The following PTCH1 variants were observed in gnomAD, a reference collection of about 807,000 sequenced individuals.
PTCH1 encodes the protein protein patched homolog 1.
PTCH1 carries 14 observed loss-of-function variants against 144.6 expected under a neutral mutation model. The observed-to-expected ratio is 0.10, with a 90% CI of 0.06 to 0.15. The LOEUF is 0.15. PTCH1 is among the 10% of genes least tolerant of loss of function. PTCH1 has a pLI of 1.00. For synonymous variants in PTCH1, 833 were observed against 793.6 expected, an observed-to-expected ratio of 1.05 and a Z score of -0.83; for missense variants, 1,623 against 1,948.3, an observed-to-expected ratio of 0.83 and a Z score of 3.14.
At chr9:95,506,720 C>T in intron 1 of PTCH1, 121 bp from the exon 2 acceptor site, 1 of 1,116,822 alleles carries the variant, frequency 9.0e-7, no homozygotes, top group Non-Finnish European at 1.2e-6. Flanking sequence ...GTGGCCGCGG[C>T]ACACGGACTC....
chr9:95,469,358 T>C (rs1017853741), intron 13 of PTCH1, among the ~76,000 whole-genome samples: 1 of 152,124 alleles, frequency 6.6e-6, no homozygotes, highest in Non-Finnish European at 1.5e-5. Context: ...TAAAAGTCAG[T>C]CTGAGGAGGC....
At chr9:95,514,403 G>A (rs1255535214) in intron 1 of PTCH1, 1 of 152,130 alleles carries the variant, frequency 6.6e-6, no homozygotes, top group Non-Finnish European at 1.5e-5. Context: ...CTCTGCTATT[G>A]GGTCCTGCAT....
intron 2 of PTCH1, among the ~76,000 whole-genome samples, chr9:95,496,487 C>G (rs1338793202): frequency 7.5e-6 from 1 of 132,964 alleles, no homozygotes; most frequent in East Asian, 2.2e-4. Context: ...GTGTGGGAAA[C>G]AAAAAGGGAG....
At chr9:95,486,319 C>T (rs1841962405) in intron 2 of PTCH1, among the ~76,000 whole-genome samples, 1 of 152,238 alleles carries the variant, frequency 6.6e-6, no homozygotes, top group South Asian at 2.1e-4. Flanking sequence ...GGAAATGTTT[C>T]TCCTCTGTGG....
chr9:95,473,211 A>G, intron 12 of PTCH1, among the ~76,000 whole-genome samples: 1 of 152,250 alleles, frequency 6.6e-6, no homozygotes. Context: ...GGTTTAAGAC[A>G]GTTTCCTTGT....
intron 15 of PTCH1, among the ~76,000 whole-genome samples, chr9:95,462,657 C>T (rs976120506): frequency 1.4e-4 from 21 of 152,176 alleles, no homozygotes; most frequent in African/African-American, 5.1e-4. Flanking sequence ...GGAAGGCGCT[C>T]GTGTGCACGC....
chr9:95,504,959 CCTT>C (rs1279958204), intron 2 of PTCH1, among the ~76,000 whole-genome samples: 3 of 152,116 alleles, frequency 2.0e-5, no homozygotes, highest in East Asian at 3.8e-4. Flanking sequence ...TCGATAAAAC[CCTT>C]CTTTTATCTA....
At chr9:95,469,641 G>A (rs754346530) in intron 13 of PTCH1, among the ~76,000 whole-genome samples, 172 bp downstream of exon 13, 2 of 152,014 alleles carry the variant, frequency 1.3e-5, no homozygotes, top group African/African-American at 2.4e-5. Context: ...GGAAGCCCAG[G>A]GACTCTGATG....
chr9:95,469,978 A>G (rs750041813), intron 12 of PTCH1, 47 bp from the exon 13 acceptor site: 3 of 1,335,628 alleles, frequency 2.2e-6, no homozygotes, highest in Non-Finnish European at 3.2e-6. Context: ...GCCTCCGCCC[A>G]ATCAGAGGAC....
rs1386764675 is a variant in PTCH1, at chr9:95,449,012, C to G, written c.3804+57G>C. ...GCAGACAGGAGCCCCCGCTGGACCT[C>G]CAGGCCCACTACCACGGTGGGAAGA... is the stretch of plus-strand genomic sequence containing the variant. On this transcript the variant is annotated intron_variant, in intron 22 of 23. Transcript: ENST00000331920. This position sits in a 1 kb window ranked among gnomAD's most constrained non-coding sequence, Gnocchi z 5.3. The G allele has an allele frequency of 6.2e-7, 1 of 1,609,468 alleles. No homozygotes were observed. Among genetic ancestry groups the G allele is most frequent in the African/African-American group, 1.3e-5 (1 of 74,988 alleles).
rs2136648156 is a variant in PTCH1 at position 95,456,315 on chromosome 9, A to G, written c.3267T>C (p.Ser1089=). 6.2e-7 allele frequency: 1 copy of G among 1,614,094 alleles called. No individual in the cohort carries two copies. Among genetic ancestry groups the G allele is most frequent in the Non-Finnish European group, 8.5e-7 (1 of 1,180,038 alleles). ...SAVPVVILIA[S]VGIGVEFTVH... ...CGGTGAACTCCACTCCTATGCCAAC[A>G]GAAGCGATCAGGATGACCACGGGCA... is the stretch of plus-strand genomic sequence containing the variant. The change falls in exon 19 of 24, where the codon TCT becomes TCC. Residue 1089 remains serine, a synonymous_variant. Transcript: ENST00000331920.
chr9:95,466,355 C>T (rs550919968), intron 15 of PTCH1, among the ~76,000 whole-genome samples: 83 of 152,262 alleles, frequency 5.5e-4, no homozygotes, highest in African/African-American at 1.7e-3. Context: ...CCAAGAAAGG[C>T]ATTTTAAAAC....
intron 2 of PTCH1, among the ~76,000 whole-genome samples, chr9:95,505,549 G>A (rs1564086123): frequency 6.6e-6 from 1 of 152,134 alleles, no homozygotes; most frequent in Non-Finnish European, 1.5e-5. Flanking sequence ...AAGGTCTCAA[G>A]AACCCCAAAA....
chr9:95,500,678 C>A lies in PTCH1; in HGVS notation c.394+5729G>T, dbSNP rs1296181311. ...TGCTCCACAAGGGCTCCTGGGGGGACAAGGGGGAGTGGTTTGTGACAGAAA... is the reference window on the plus strand; with the variant it reads ...TGCTCCACAAGGGCTCCTGGGGGGAAAAGGGGGAGTGGTTTGTGACAGAAA... On this transcript the variant is annotated intron_variant, in intron 2 of 23. Transcript: ENST00000331920. Among the ~76,000 whole-genome samples the A allele has an allele frequency of 3.9e-5, 6 of 152,266 alleles. No homozygotes were observed. The South Asian group carries it at 1.2e-3, about 32-fold the overall frequency.
In PTCH1 at chr9:95,499,409, A is replaced by C. The variant is rs536715707; in HGVS notation, c.394+6998T>G. ...GTTGTGATTAGCCAGACTTACTACC[A>C]TTTCAGAGTTCACACTAGTAACTGC... is the stretch of plus-strand genomic sequence containing the variant. On this transcript the variant is annotated intron_variant, in intron 2 of 23. Transcript: ENST00000331920. Among the ~76,000 whole-genome samples, 6 of 145,790 alleles carry C rather than the reference A, an allele frequency of 4.1e-5. No individual in the cohort carries two copies. In the South Asian group the frequency reaches 1.4e-3, roughly 34 times the overall value.
chr9:95,474,941 C>A (rs554413175), intron 12 of PTCH1, among the ~76,000 whole-genome samples: 43 of 152,002 alleles, frequency 2.8e-4, no homozygotes, highest in Non-Finnish European at 5.4e-4. Flanking sequence ...AACAACCTGG[C>A]CAGCTTGAGA....
chr9:95,468,657 AG>A (rs1840259203), intron 14 of PTCH1, 93 bp downstream of exon 14: 1 of 1,498,914 alleles, frequency 6.7e-7, no homozygotes, highest in African/African-American at 1.4e-5. Context: ...TTTTTTTTTA[AG>A]GAAAAAGAAG....
chr9:95,513,364 A>G (rs934836823), upstream of PTCH1, among the ~76,000 whole-genome samples: 4 of 152,232 alleles, frequency 2.6e-5, no homozygotes, highest in Non-Finnish European at 5.9e-5. Context: ...AATTTTGTCT[A>G]CTGAGTTTAA....
intron 1 of PTCH1, chr9:95,506,956 G>C (rs139459803): frequency 9.8e-7 from 1 of 1,020,360 alleles, no homozygotes; most frequent in African/African-American, 1.7e-5. Flanking sequence ...GAGAAGGGAG[G>C]GGCTGCGTAA....
Sources: gnomAD v4.1 joint callset for allele counts (sites outside exome capture counted in the v4.1 genomes callset) on GRCh38, gnomAD v4.1.1 for gene constraint, Gnocchi (gnomAD v3.1) non-coding constraint, MANE v1.5 for transcripts, NCBI Gene and HGNC (gene_info 2026-07-23, HGNC 2026-07-21) for gene names.